MGAT4C: variants seen among roughly 807,000 people sequenced by gnomAD.
The protein encoded by MGAT4C is MGAT4 family member C.
In MGAT4C, 19 loss-of-function variants were observed where a neutral mutation model predicts 40.1. The ratio of observed to expected loss-of-function variants is 0.47; its 90% confidence interval spans 0.33 to 0.70. The LOEUF is 0.70. MGAT4C is among the 30% of genes least tolerant of loss of function. The probability of loss-of-function intolerance (pLI) is 0.02; values close to 1 mark genes in which losing one functional copy is unlikely to be tolerated. For missense variants in MGAT4C, 491 were observed against 563.2 expected (o/e 0.87, Z 1.30); for synonymous variants, 181 against 187.1 (o/e 0.97, Z 0.27).
chr12:86,734,234 A>G (rs1394724584), intron 1 of MGAT4C, among the ~76,000 whole-genome samples: 1 of 152,104 alleles, frequency 6.6e-6, no homozygotes, highest in East Asian at 1.9e-4. Context: ...TGCTAACAAG[A>G]GATATTAGGT....
rs564707738 is a variant in MGAT4C at position 85,999,500 on chromosome 12, C to T, written c.-6-9948G>A. ...CTGTACTCCCCTGTGTATTGCAGCACTATTCACAATAGCCAAGATAAGGAA... is the reference window on the plus strand; with the variant it reads ...CTGTACTCCCCTGTGTATTGCAGCATTATTCACAATAGCCAAGATAAGGAA... On this transcript the variant is annotated intron_variant, in intron 2 of 4. Coordinates refer to ENST00000611864, the MANE Select transcript of MGAT4C (RefSeq NM_001351288.2). 2.8e-4 allele frequency among the ~76,000 whole-genome samples: 43 copies of T among 151,696 alleles called. No individual in the cohort carries two copies. In the South Asian group the frequency reaches 2.9e-3, roughly 10 times the overall value.
chr12:86,545,930 C>T (rs1419661379), intron 2 of MGAT4C, among the ~76,000 whole-genome samples: 1 of 151,824 alleles, frequency 6.6e-6, no homozygotes, highest in Non-Finnish European at 1.5e-5. Context: ...CTTTAAACTG[C>T]TATTATAAAA....
intron 2 of MGAT4C, among the ~76,000 whole-genome samples, chr12:86,538,606 TTC>T (rs1959114587): frequency 2.6e-5 from 2 of 78,166 alleles, no homozygotes; most frequent in Non-Finnish European, 3.4e-5. Flanking sequence ...AGTGTAATAC[TTC>T]TTTTTTTTTT....
At chr12:86,332,066 T>C (rs1954680947) in intron 4 of MGAT4C, among the ~76,000 whole-genome samples, 1 of 152,106 alleles carries the variant, frequency 6.6e-6, no homozygotes. Context: ...TGTATCTACT[T>C]GGAAGAGTCT....
At chr12:86,302,034 T>C (rs2136140446) in intron 4 of MGAT4C, among the ~76,000 whole-genome samples, 1 of 151,162 alleles carries the variant, frequency 6.6e-6, no homozygotes, top group South Asian at 2.1e-4. Flanking sequence ...TAATTACTTA[T>C]GAAACTCTAG....
At chr12:86,540,377 T>G (rs1441613635) in intron 2 of MGAT4C, among the ~76,000 whole-genome samples, 1 of 152,176 alleles carries the variant, frequency 6.6e-6, no homozygotes, top group Non-Finnish European at 1.5e-5. Flanking sequence ...AAAGCAGGTA[T>G]AGCAGCCCAG....
At chr12:86,339,086 A>T (rs112843006) in intron 3 of MGAT4C, among the ~76,000 whole-genome samples, 2 of 151,976 alleles carry the variant, frequency 1.3e-5, no homozygotes, top group Non-Finnish European at 2.9e-5. Flanking sequence ...GCCGAAAACA[A>T]CCCTATGAAG....
At chr12:86,041,408 TGTTATGTTA>T (rs1366444697) in intron 2 of MGAT4C, among the ~76,000 whole-genome samples, 18 of 152,166 alleles carry the variant, frequency 1.2e-4, no homozygotes, top group African/African-American at 3.9e-4. Flanking sequence ...CTAGGTCTGA[TGTTATGTTA>T]TTAATTTTAA....
chr12:86,280,602 A>T lies in MGAT4C; in HGVS notation c.-57+53463T>A, dbSNP rs542389670. ...TCATGCTTTATTGCTTTTAAATTTC[A>T]TTATATAGATTTGTTTATTTATGTC... On this transcript the variant is annotated intron_variant, in intron 4 of 7. Transcript: ENST00000548651. 4.6e-5 allele frequency among the ~76,000 whole-genome samples: 7 copies of T among 151,930 alleles called. No homozygotes were observed. The South Asian group carries it at 1.5e-3, about 31-fold the overall frequency.
intron 3 of MGAT4C, among the ~76,000 whole-genome samples, chr12:86,370,701 G>A (rs1955697549): frequency 6.6e-6 from 1 of 152,040 alleles, no homozygotes; most frequent in Non-Finnish European, 1.5e-5. Flanking sequence ...TACTGCTCCT[G>A]AGTAACTTGT....
chr12:86,278,906 TG>T (rs1477652673), intron 4 of MGAT4C, among the ~76,000 whole-genome samples: 4 of 151,824 alleles, frequency 2.6e-5, no homozygotes, highest in Non-Finnish European at 4.4e-5. Flanking sequence ...TTTTATCAAA[TG>T]TTTTTTAGCA....
chr12:86,722,414 G>T (rs371613286), intron 2 of MGAT4C, among the ~76,000 whole-genome samples: 2 of 152,126 alleles, frequency 1.3e-5, no homozygotes, highest in East Asian at 1.9e-4. Flanking sequence ...CTATTGTGGG[G>T]CCTTTTCTTG....
chr12:86,419,365 C>T (rs1000307203), intron 3 of MGAT4C, among the ~76,000 whole-genome samples: 1 of 151,454 alleles, frequency 6.6e-6, no homozygotes, highest in Non-Finnish European at 1.5e-5. Context: ...TTATTTCAGC[C>T]TCTTTGAGAT....
intron 1 of MGAT4C, among the ~76,000 whole-genome samples, chr12:86,182,031 A>AT (rs148881464): frequency 0.048 from 7,251 of 152,182 alleles, 567 homozygotes; most frequent in African/African-American, 0.16. Context: ...TACATTTTGC[A>AT]TAACAATTAT....
chr12:86,444,831 T>C (rs1957303935), intron 2 of MGAT4C, among the ~76,000 whole-genome samples: 1 of 152,230 alleles, frequency 6.6e-6, no homozygotes. Flanking sequence ...ACTGAAACTC[T>C]ATACCTCTTA....
At chr12:86,786,581 CT>C (rs148441387) in intron 1 of MGAT4C, among the ~76,000 whole-genome samples, 80 of 147,626 alleles carry the variant, frequency 5.4e-4, no homozygotes, top group South Asian at 2.1e-3. Context: ...TCTGCTCAAA[CT>C]TTTTTTTTTT....
chr12:86,349,599 A>G (rs1955114275), intron 3 of MGAT4C, among the ~76,000 whole-genome samples: 1 of 151,994 alleles, frequency 6.6e-6, no homozygotes, highest in Non-Finnish European at 1.5e-5. Context: ...CCAGCTAGGA[A>G]CTCTGCTCAT....
chr12:85,980,263 C>T lies in MGAT4C; in HGVS notation c.463G>A (p.Asp155Asn). 6.2e-7 allele frequency: 1 copy of T among 1,613,918 alleles called. No homozygotes were observed. Among genetic ancestry groups the T allele is most frequent in the Non-Finnish European group, 8.5e-7 (1 of 1,179,900 alleles). ...NSSWRDAMVQ[D>N]ITQKFAHHII... ...TGGTGCGCAAATTTCTGTGTAATAT[C>T]CTGGACCATGGCATCACGCCAGGAA... Residue 155 changes from aspartate (D) to asparagine (N), a missense_variant, in exon 5 of 5, where the codon GAT becomes AAT. Physicochemically the swap from Asp to Asn is conservative, Grantham distance 23 (BLOSUM62 1). Transcript: ENST00000611864.
At chr12:86,675,972 C>CAAA (rs56178472) in intron 2 of MGAT4C, among the ~76,000 whole-genome samples, 26 of 145,338 alleles carry the variant, frequency 1.8e-4, no homozygotes, top group Non-Finnish European at 2.4e-4. Context: ...GATAAAAAAG[C>CAAA]AAAAAAAAAA....
Sources: allele counts gnomAD v4.1 joint callset (sites outside exome capture counted in the v4.1 genomes callset), GRCh38; gene constraint gnomAD v4.1.1; transcripts MANE v1.5; gene names NCBI Gene and HGNC (gene_info 2026-07-23, HGNC 2026-07-21).